MOB3B: variants seen among roughly 807,000 people sequenced by gnomAD.
MOB3B encodes the protein MOB kinase activator-like 2B.
In MOB3B, 7 loss-of-function variants were observed where a neutral mutation model predicts 18.7. The ratio of observed to expected loss-of-function variants is 0.37; its 90% CI spans 0.21 to 0.70. MOB3B has a LOEUF of 0.70. Ranked by LOEUF, MOB3B falls within the 30% of genes least tolerant of loss-of-function variation. The probability of loss-of-function intolerance (pLI) is 0.52; values close to 1 mark genes in which losing one functional copy is unlikely to be tolerated. For synonymous variants in MOB3B, 111 were observed against 99.9 expected, an observed-to-expected ratio of 1.11 and a Z score of -0.66; for missense variants, 253 against 281.3, an observed-to-expected ratio of 0.90 and a Z score of 0.72.
intron 1 of MOB3B, among the ~76,000 whole-genome samples, chr9:27,517,588 C>T (rs1199374426): frequency 8.2e-6 from 1 of 121,428 alleles, no homozygotes; most frequent in African/African-American, 3.2e-5. Context: ...ACGGAGGTTG[C>T]AGTGAGCAGA....
rs920878087 is a variant in MOB3B, at chr9:27,426,012, T to C, written c.418+29121A>G. ...AGGAGGAGGGTGCTCTGTTTCTTTA[T>C]GGAAAAGCAGGAGGAGTTGAATATT... On this transcript the variant is annotated intron_variant, in intron 2 of 3. Coordinates refer to ENST00000262244, the MANE Select transcript of MOB3B (RefSeq NM_024761.5). Among the ~76,000 whole-genome samples the C allele has an allele frequency of 3.3e-5, 5 of 152,204 alleles. No homozygotes were observed. In the East Asian group the frequency reaches 5.8e-4, roughly 18 times the overall value.
At chr9:27,513,312 G>T (rs1422738069) in intron 1 of MOB3B, among the ~76,000 whole-genome samples, 3 of 151,936 alleles carry the variant, frequency 2.0e-5, no homozygotes, top group Non-Finnish European at 4.4e-5. Context: ...CTCTCCCCAG[G>T]CCTACTGAAA....
intron 2 of MOB3B, among the ~76,000 whole-genome samples, chr9:27,377,085 G>T (rs962773139): frequency 6.6e-6 from 1 of 152,222 alleles, no homozygotes; most frequent in African/African-American, 2.4e-5. Context: ...CATCTACCTT[G>T]TTGGGCTGTT....
intron 1 of MOB3B, among the ~76,000 whole-genome samples, chr9:27,455,989 C>T (rs763327825): frequency 6.6e-6 from 1 of 152,180 alleles, no homozygotes; most frequent in South Asian, 2.1e-4. Context: ...TCTCTACTGG[C>T]TCTTCTTTGT....
intron 2 of MOB3B, among the ~76,000 whole-genome samples, chr9:27,454,055 CCTGACAAA>C (rs1822833822): frequency 6.6e-6 from 1 of 152,178 alleles, no homozygotes; most frequent in Admixed American, 6.5e-5. Context: ...ACACCAAGAT[CCTGACAAA>C]CTGGTTTGTG....
intron 3 of MOB3B, among the ~76,000 whole-genome samples, chr9:27,338,396 C>T (rs1394531132): frequency 6.6e-6 from 1 of 152,150 alleles, no homozygotes; most frequent in Admixed American, 6.5e-5. Context: ...GATAGAGGAT[C>T]CCAGCAGCGC....
chr9:27,508,544 A>G (rs1259083528), intron 1 of MOB3B, among the ~76,000 whole-genome samples: 4 of 152,130 alleles, frequency 2.6e-5, no homozygotes, highest in African/African-American at 9.7e-5. Context: ...AATTAAAACT[A>G]ATTTTTTTCA....
At chr9:27,379,784 G>A (rs1239394132) in intron 2 of MOB3B, among the ~76,000 whole-genome samples, 2 of 152,160 alleles carry the variant, frequency 1.3e-5, no homozygotes, top group Non-Finnish European at 2.9e-5. Flanking sequence ...CACTGAAAGA[G>A]TTGCAAAGCT....
chr9:27,473,867 C>T (rs565884446), intron 1 of MOB3B, among the ~76,000 whole-genome samples: 232 of 152,306 alleles, frequency 1.5e-3, no homozygotes, highest in African/African-American at 5.2e-3. Context: ...AAATTCTAAC[C>T]TCCAATGTGA....
At chr9:27,403,494 T>C (rs1821916023) in intron 2 of MOB3B, among the ~76,000 whole-genome samples, 1 of 150,660 alleles carries the variant, frequency 6.6e-6, no homozygotes, top group South Asian at 2.1e-4. Context: ...AACTGCTTAA[T>C]GCTTGGTCTG....
At chr9:27,359,376 TG>T (rs1450466267) in intron 2 of MOB3B, 140 bp from the exon 3 acceptor site, 47 of 260,156 alleles carry the variant, frequency 1.8e-4, no homozygotes, top group East Asian at 1.4e-3. Flanking sequence ...AGTGTGTGTG[TG>T]TGGGGGGGGG....
Position 27,359,377 on chromosome 9 carries a change from G to T in MOB3B, c.419-141C>A, listed in dbSNP as rs528405586. 851 of 494,440 alleles carry T rather than the reference G, an allele frequency of 1.7e-3. 9 individuals carry two copies. The highest frequency in any genetic ancestry group is 4.4e-3 in the South Asian group (191 of 43,706). The allele number at this position is 494,440 out of a possible 1,614,324, so 30.6% of individuals were successfully genotyped here. On this transcript the variant is annotated intron_variant, in intron 2 of 3. Transcript: ENST00000262244. ...CAGGAGTCATAGGGAGTGTGTGTGT[G>T]TGGGGGGGGGGGGTTGGTAGCAAAC...
intron 2 of MOB3B, among the ~76,000 whole-genome samples, chr9:27,407,775 T>A (rs1166648207): frequency 2.0e-5 from 3 of 152,158 alleles, no homozygotes; most frequent in African/African-American, 7.2e-5. Flanking sequence ...GGAGAGAGGC[T>A]TCCCAGTGTT....
intron 3 of MOB3B, among the ~76,000 whole-genome samples, chr9:27,336,770 A>G (rs1820870152): frequency 6.6e-6 from 1 of 152,222 alleles, no homozygotes; most frequent in East Asian, 1.9e-4. Flanking sequence ...ACGCCCGCAC[A>G]CGTGTATACT....
intron 2 of MOB3B, among the ~76,000 whole-genome samples, chr9:27,404,838 G>C (rs1335776136): frequency 6.6e-6 from 1 of 152,062 alleles, no homozygotes; most frequent in Non-Finnish European, 1.5e-5. Flanking sequence ...AGGAACTTCT[G>C]TACTGTTCTC....
intron 1 of MOB3B, among the ~76,000 whole-genome samples, chr9:27,522,794 G>T (rs1440209069): frequency 6.6e-6 from 1 of 151,996 alleles, no homozygotes; most frequent in African/African-American, 2.4e-5. Context: ...CTCTAGGAAG[G>T]TTGTGTCAAT....
rs553897529 is a variant in MOB3B at position 27,426,689 on chromosome 9, T to G, written c.418+28444A>C. Among the ~76,000 whole-genome samples, 59 of 152,286 alleles carry G rather than the reference T, an allele frequency of 3.9e-4. 1 individual carries two copies. The South Asian group carries it at 8.7e-3, about 22-fold the overall frequency. ...AATAATACATGACACTGTCCCCCCC[T>G]GCCCGACTCAGAATCCAAGGGGAAA... On this transcript the variant is annotated intron_variant, in intron 2 of 3. Coordinates refer to ENST00000262244, the MANE Select transcript of MOB3B (RefSeq NM_024761.5).
At position 27,326,272 on chromosome 9, in the gene MOB3B, G is replaced by A; in HGVS notation, c.*4315C>T. ...AGTTACATCAGTGGTCAACAATGGA[G>A]CAACAAGACTCCGTAGAGGATGCCA... On this transcript the variant is annotated 3_prime_UTR_variant, in exon 4 of 4. Coordinates refer to ENST00000262244, the MANE Select transcript of MOB3B (RefSeq NM_024761.5). 2.6e-6 allele frequency: 1 copy of A among 391,298 alleles called. No individual in the cohort carries two copies. Among genetic ancestry groups the A allele is most frequent in the Non-Finnish European group, 4.5e-6 (1 of 221,930 alleles). The allele number at this position is 391,298 out of a possible 1,614,324, so 24.2% of individuals were successfully genotyped here.
At chr9:27,498,782 A>G (rs1365888624) in intron 1 of MOB3B, among the ~76,000 whole-genome samples, 1 of 152,178 alleles carries the variant, frequency 6.6e-6, no homozygotes, top group Non-Finnish European at 1.5e-5. Context: ...AGAGATAAAG[A>G]CCTGACATTG....
Sources: allele counts gnomAD v4.1 joint callset (sites outside exome capture counted in the v4.1 genomes callset), GRCh38; gene constraint gnomAD v4.1.1; transcripts MANE v1.5; gene names NCBI Gene and HGNC (gene_info 2026-07-23, HGNC 2026-07-21).